SLC17A1: variants seen among roughly 807,000 people sequenced by gnomAD.
SLC17A1 encodes the protein solute carrier family 17 member 1, also known as sodium-dependent phosphate transport protein 1.
In SLC17A1, 51 loss-of-function variants were observed where a neutral mutation model predicts 53.5. The ratio of observed to expected loss-of-function variants is 0.95; its 90% confidence interval spans 0.76 to 1.20. The LOEUF (loss-of-function observed/expected upper bound fraction) is 1.20. Among genes scored for constraint, SLC17A1 ranks in the 50% most tolerant of loss-of-function variants. The pLI, the probability that SLC17A1 is intolerant of heterozygous loss-of-function variation, is 0.00. For missense variants in SLC17A1, 538 were observed against 568.2 expected (o/e 0.95, Z 0.54); for synonymous variants, 179 against 198.8 (o/e 0.90, Z 0.84).
chr6:25,817,333 G>A (rs1764393423), intron 6 of SLC17A1, among the ~76,000 whole-genome samples: 2 of 152,198 alleles, frequency 1.3e-5, no homozygotes. Context: ...CTTGGTTTTA[G>A]TTTTCCCTCT....
At chr6:25,775,679 C>A in the SLC17A1 span, among the ~76,000 whole-genome samples, 1 of 152,158 alleles carries the variant, frequency 6.6e-6, no homozygotes, top group African/African-American at 2.4e-5. Context: ...CCTCCCACTA[C>A]AGCCTCCCAA....
the SLC17A1 span, chr6:25,769,140 A>G: frequency 3.7e-6 from 6 of 1,614,030 alleles, no homozygotes; most frequent in Non-Finnish European, 4.2e-6. Context: ...ACGGCCCTCC[A>G]CTGACTCCCA....
chr6:25,734,486 A>G, the SLC17A1 span, among the ~76,000 whole-genome samples: 1 of 152,194 alleles, frequency 6.6e-6, no homozygotes, highest in East Asian at 1.9e-4. Context: ...AGCTAACGAA[A>G]TGGTTTCAAA....
At chr6:25,770,465 G>A in the SLC17A1 span, 2 of 1,613,976 alleles carry the variant, frequency 1.2e-6, no homozygotes, top group South Asian at 1.1e-5. Flanking sequence ...CACCATTGCT[G>A]GATCAGGTAA....
the SLC17A1 span, among the ~76,000 whole-genome samples, chr6:25,734,901 A>C: frequency 2.7e-3 from 407 of 152,354 alleles, 3 homozygotes; most frequent in Middle Eastern, 0.01. Context: ...TACTAGTAGA[A>C]GGAAAATAAA....
At chr6:25,731,148 G>A in the SLC17A1 span, among the ~76,000 whole-genome samples, 2 of 152,158 alleles carry the variant, frequency 1.3e-5, no homozygotes, top group African/African-American at 4.8e-5. Flanking sequence ...CAGTTTACTG[G>A]AGTTCACAGA....
rs7770008 is a variant in SLC17A1, at chr6:25,807,584, A to T, written c.1178+3814T>A. On this transcript the variant is annotated intron_variant, in intron 10 of 12. Transcript: ENST00000244527. ...ATCTGAGCAGTGCACATTGCACCCA[A>T]TGTGTAGTATTTTAACCCTCACTCC... Among the ~76,000 whole-genome samples the T allele has an allele frequency of 2.0e-5, 3 of 151,972 alleles. No homozygotes were observed. The East Asian group carries it at 5.8e-4, about 29-fold the overall frequency.
the SLC17A1 span, chr6:25,777,085 T>C: frequency 2.0e-6 from 2 of 977,836 alleles, no homozygotes; most frequent in East Asian, 2.5e-5. Flanking sequence ...GCACCAGCTC[T>C]ACATCCTACA....
the SLC17A1 span, among the ~76,000 whole-genome samples, chr6:25,739,363 A>T: frequency 6.9e-6 from 1 of 145,684 alleles, no homozygotes; most frequent in African/African-American, 2.4e-5. Flanking sequence ...CCAAAACTCC[A>T]CCTCCTAATA....
intron 3 of SLC17A1, among the ~76,000 whole-genome samples, chr6:25,825,415 A>G (rs1247982317): frequency 6.6e-6 from 1 of 152,046 alleles, no homozygotes; most frequent in Non-Finnish European, 1.5e-5. Context: ...TATTGAATAC[A>G]GAATTCTAGG....
At chr6:25,766,596 C>T in the SLC17A1 span, among the ~76,000 whole-genome samples, 1 of 152,150 alleles carries the variant, frequency 6.6e-6, no homozygotes, top group African/African-American at 2.4e-5. Flanking sequence ...ATCAACTCAA[C>T]AGTAAGAAGT....
At chr6:25,778,825 A>T (rs1001646578), downstream of SLC17A1, among the ~76,000 whole-genome samples, 13 of 152,188 alleles carry the variant, frequency 8.5e-5, no homozygotes, top group African/African-American at 3.1e-4. Context: ...GGGAGTGAAG[A>T]TGTGAGACAA....
chr6:25,752,486 T>G, the SLC17A1 span, among the ~76,000 whole-genome samples: 105 of 152,360 alleles, frequency 6.9e-4, no homozygotes, highest in Non-Finnish European at 1.3e-3. Context: ...CTGTAGACTT[T>G]GTAAACACTG....
the SLC17A1 span, among the ~76,000 whole-genome samples, chr6:25,729,740 AT>A: frequency 4.0e-5 from 6 of 150,160 alleles, no homozygotes; most frequent in Admixed American, 6.6e-5. Flanking sequence ...CTTTCCGTGC[AT>A]TTTTTTTTAA....
At chr6:25,727,315 C>A in the SLC17A1 span, 4 of 1,557,542 alleles carry the variant, frequency 2.6e-6, no homozygotes, top group South Asian at 3.7e-5. Flanking sequence ...AACGTCATTT[C>A]TAACCCAAAG....
the SLC17A1 span, chr6:25,770,498 A>T: frequency 6.2e-7 from 1 of 1,602,598 alleles, no homozygotes; most frequent in East Asian, 2.2e-5. Flanking sequence ...ACCTCACTTT[A>T]CATGCACTGT....
At chr6:25,816,169 T>C (rs1321490027) in intron 6 of SLC17A1, among the ~76,000 whole-genome samples, 1 of 152,152 alleles carries the variant, frequency 6.6e-6, no homozygotes, top group African/African-American at 2.4e-5. Context: ...AAGAGTCCTG[T>C]TTAAATTTAG....
At chr6:25,732,240 C>G in the SLC17A1 span, 1 of 325,828 alleles carries the variant, frequency 3.1e-6, no homozygotes, top group Non-Finnish European at 5.8e-6. Context: ...AGGCATGGCC[C>G]TCAACCTACG....
chr6:25,825,861 G>A (rs1387731380), intron 3 of SLC17A1, among the ~76,000 whole-genome samples: 3 of 151,808 alleles, frequency 2.0e-5, no homozygotes, highest in Non-Finnish European at 4.4e-5. Context: ...TTCAACTTTG[G>A]GAGTTTCTAT....
Sources: allele counts gnomAD v4.1 joint callset (sites outside exome capture counted in the v4.1 genomes callset), GRCh38; gene constraint gnomAD v4.1.1; transcripts MANE v1.5; gene names NCBI Gene and HGNC (gene_info 2026-07-23, HGNC 2026-07-21).